The following COL22A1 variants were observed in gnomAD, a reference collection of about 807,000 sequenced individuals.
The protein encoded by COL22A1 is collagen alpha-1(XXII) chain.
In COL22A1, 221 loss-of-function variants were observed where a neutral mutation model predicts 248.9. The ratio of observed to expected loss-of-function variants is 0.89; its 90% CI spans 0.80 to 0.99. COL22A1 has a LOEUF of 0.99. Ranked by LOEUF, COL22A1 falls within the 50% of genes least tolerant of loss-of-function variation. The probability of loss-of-function intolerance (pLI) is 0.00; values close to 1 mark genes in which losing one functional copy is unlikely to be tolerated. For synonymous variants in COL22A1, 891 were observed against 793.4 expected (o/e 1.12, Z -2.07); for missense variants, 2,240 against 2,179.0 (o/e 1.03, Z -0.56).
At chr8:138,807,994 A>G (rs773210899) in intron 9 of COL22A1, among the ~76,000 whole-genome samples, 182 bp from the exon 10 acceptor site, 39 of 152,324 alleles carry the variant, frequency 2.6e-4, no homozygotes, top group Non-Finnish European at 3.4e-4. Context: ...TTGAACTGCA[A>G]ACCTATACGG....
intron 21 of COL22A1, 95 bp downstream of exon 21, chr8:138,755,062 T>C: frequency 7.9e-7 from 1 of 1,268,504 alleles, no homozygotes; most frequent in Non-Finnish European, 1.1e-6. Context: ...CTTGAGATAA[T>C]GCCATGCTCA....
chr8:138,720,737 AC>A lies in COL22A1; in HGVS notation c.2355+1del, dbSNP rs1261455685. On this transcript the variant is annotated splice_donor_variant, in intron 27 of 64. Coordinates refer to ENST00000303045, the MANE Select transcript of COL22A1 (RefSeq NM_152888.3). LOFTEE classifies it high-confidence loss of function. ...AATGGGAAAAAGAGGCAAAGTCCAT[AC>A]CCGAAGGCCTGGTTTTCCAGGCAGA... 3 of 1,612,990 alleles carry A rather than the reference AC, an allele frequency of 1.9e-6. No individual in the cohort carries two copies. The highest frequency in any genetic ancestry group is 2.5e-6 in the Non-Finnish European group (3 of 1,179,140).
intron 32 of COL22A1, 65 bp downstream of exon 32, chr8:138,700,047 C>T (rs376250718): frequency 6.7e-7 from 1 of 1,499,778 alleles, no homozygotes; most frequent in Admixed American, 1.7e-5. Flanking sequence ...GGCTCCCAGG[C>T]CACACTGGAC....
intron 35 of COL22A1, among the ~76,000 whole-genome samples, chr8:138,691,353 T>TTGTGGAGATG (rs1826848945): frequency 6.7e-6 from 1 of 148,578 alleles, no homozygotes; most frequent in South Asian, 2.2e-4. Context: ...GTGTGCACGT[T>TTGTGGAGATG]TGTGGAGATG....
chr8:138,662,029 C>G lies in COL22A1; in HGVS notation c.3240+1G>C, dbSNP rs774924582. 2.5e-6 allele frequency: 4 copies of G among 1,611,328 alleles called. No homozygotes were observed. In the South Asian group the frequency reaches 3.3e-5, roughly 13 times the overall value. On this transcript the variant is annotated splice_donor_variant, in intron 43 of 64. Coordinates refer to ENST00000303045, the MANE Select transcript of COL22A1 (RefSeq NM_152888.3). LOFTEE classifies it high-confidence loss of function. ...AGTCCACGCCATTTCTCTGTACTTACGTCCCGGCCGGCTGGGCCCTGGGGG... is the reference window on the plus strand; with the variant it reads ...AGTCCACGCCATTTCTCTGTACTTAGGTCCCGGCCGGCTGGGCCCTGGGGG...
chr8:138,780,654 G>A (rs1214411156), intron 13 of COL22A1, among the ~76,000 whole-genome samples: 1 of 152,164 alleles, frequency 6.6e-6, no homozygotes, highest in Non-Finnish European at 1.5e-5. Context: ...CTAGGCACGG[G>A]GGATAACAAG....
chr8:138,670,108 A>T (rs1272437354), intron 41 of COL22A1, among the ~76,000 whole-genome samples: 1 of 152,054 alleles, frequency 6.6e-6, no homozygotes, highest in African/African-American at 2.4e-5. Context: ...GCTGGTCTTG[A>T]ACCCCTGACC....
chr8:138,892,005 G>T (rs985912712), intron 1 of COL22A1, among the ~76,000 whole-genome samples: 1 of 152,140 alleles, frequency 6.6e-6, no homozygotes, highest in African/African-American at 2.4e-5. Context: ...TGGCTATGAC[G>T]TATAATTATT....
Position 138,598,917 on chromosome 8 carries a change from T to A in COL22A1, c.4186-19A>T, listed in dbSNP as rs1241970857. The A allele has an allele frequency of 1.9e-6, 3 of 1,613,218 alleles. No individual in the cohort carries two copies. The highest frequency in any genetic ancestry group is 2.5e-6 in the Non-Finnish European group (3 of 1,179,432). ...GATCTCCCTAAGGAGGAAATAAGCA[T>A]GTCAGCATGTGTCTCAGGGCTGGAA... On this transcript the variant is annotated intron_variant, in intron 60 of 64. Coordinates refer to ENST00000303045, the MANE Select transcript of COL22A1 (RefSeq NM_152888.3).
In COL22A1 at chr8:138,877,655, G is replaced by A. The variant is rs1005050245; in HGVS notation, c.658+95C>T. Reference sequence around the variant, plus strand: ...TACTTCCCCCGCCTTCCTGGAGCCGGCCGTAGGATCCCTATCTGCCCGAGG... The same window carrying A: ...TACTTCCCCCGCCTTCCTGGAGCCGACCGTAGGATCCCTATCTGCCCGAGG... On this transcript the variant is annotated intron_variant, in intron 3 of 64. Coordinates refer to ENST00000303045, the MANE Select transcript of COL22A1 (RefSeq NM_152888.3). 12 of 1,282,722 alleles carry A rather than the reference G, an allele frequency of 9.4e-6. No individual in the cohort carries two copies. In the Middle Eastern group the frequency reaches 8.1e-4, roughly 87 times the overall value. The allele number at this position is 1,282,722 out of a possible 1,614,324, so 79.5% of individuals were successfully genotyped here.
Position 138,821,291 on chromosome 8 carries a change from A to G in COL22A1, c.1090T>C (p.Trp364Arg). 6.2e-7 allele frequency: 1 copy of G among 1,614,236 alleles called. No homozygotes were observed. Among genetic ancestry groups the G allele is most frequent in the Non-Finnish European group, 8.5e-7 (1 of 1,180,030 alleles). ...TGGATGCTCAGGGCCATCTTGTGCC[A>G]GTCCCGGTCAAAGAGGTCATTGACC... ...SRVNDLFDRD[W>R]HKMALSIQAQ... Residue 364 changes from tryptophan (W) to arginine (R), a missense_variant, in exon 7 of 65, where the codon TGG (tryptophan) becomes CGG (arginine). Transcript: ENST00000303045.
intron 22 of COL22A1, among the ~76,000 whole-genome samples, chr8:138,746,951 G>C (rs952314440): frequency 6.6e-6 from 1 of 152,170 alleles, no homozygotes; most frequent in Non-Finnish European, 1.5e-5. Flanking sequence ...GGTGCAACCC[G>C]GGCCCTGCCA....
chr8:138,624,771 T>C (rs974089444), intron 51 of COL22A1, among the ~76,000 whole-genome samples: 2 of 152,188 alleles, frequency 1.3e-5, no homozygotes, highest in Non-Finnish European at 1.5e-5. Flanking sequence ...GCTGCAGAGT[T>C]ACAGACAGGA....
chr8:138,687,906 C>T (rs902155312), intron 37 of COL22A1, among the ~76,000 whole-genome samples: 8 of 152,166 alleles, frequency 5.3e-5, no homozygotes, highest in African/African-American at 1.2e-4. Flanking sequence ...CAGTTACTCC[C>T]CTTAGTGGTG....
chr8:138,830,290 GTTA>G (rs373224077), intron 5 of COL22A1, among the ~76,000 whole-genome samples: 80 of 152,284 alleles, frequency 5.3e-4, no homozygotes, highest in African/African-American at 1.7e-3. Context: ...GCTCGTTTCT[GTTA>G]TTGTCATGAG....
At chr8:138,780,880 C>A (rs1034293716) in intron 13 of COL22A1, 47 bp downstream of exon 13, 4 of 1,523,922 alleles carry the variant, frequency 2.6e-6, no homozygotes, top group Non-Finnish European at 2.7e-6. Flanking sequence ...AGGAGATCAC[C>A]AGCCTAGTAC....
Position 138,844,072 on chromosome 8 carries a change from T to C in COL22A1, c.733+12A>G. The C allele has an allele frequency of 6.2e-7, 1 of 1,612,162 alleles. No homozygotes were observed. Among genetic ancestry groups the C allele is most frequent in the Non-Finnish European group, 8.5e-7 (1 of 1,178,156 alleles). Reference sequence around the variant, plus strand: ...CCAAAGCAAGCACACGTGGTTATTGTTTTTCCCTTACCTGTGATTTCCTTG... The same window carrying C: ...CCAAAGCAAGCACACGTGGTTATTGCTTTTCCCTTACCTGTGATTTCCTTG... On this transcript the variant is annotated intron_variant, in intron 4 of 64. Transcript: ENST00000303045.
At chr8:138,619,964 C>T (rs549600243) in intron 52 of COL22A1, 17 of 178,824 alleles carry the variant, frequency 9.5e-5, no homozygotes, top group East Asian at 3.0e-4. Context: ...TCCAGCTGAG[C>T]GCCACACCTA....
At chr8:138,790,884 A>G (rs908548930) in intron 12 of COL22A1, among the ~76,000 whole-genome samples, 3 of 76,518 alleles carry the variant, frequency 3.9e-5, no homozygotes, top group African/African-American at 2.1e-4. Context: ...TACTCTTAAG[A>G]GTTAATCATT....
Sources: allele counts gnomAD v4.1 joint callset (sites outside exome capture counted in the v4.1 genomes callset), GRCh38; gene constraint gnomAD v4.1.1; transcripts MANE v1.5; gene names NCBI Gene and HGNC (gene_info 2026-07-23, HGNC 2026-07-21).